The following WASHC5 variants were observed in gnomAD, a reference collection of about 807,000 sequenced individuals.
The protein encoded by WASHC5 is WASH complex subunit 5, also known as WASH complex subunit strumpellin.
WASHC5 carries 101 observed loss-of-function variants against 150.4 expected under a neutral mutation model. The ratio of observed to expected loss-of-function variants is 0.67; its 90% CI spans 0.57 to 0.79. The LOEUF (loss-of-function observed/expected upper bound fraction) is 0.79. Ranked by LOEUF, WASHC5 falls within the 30% of genes least tolerant of loss-of-function variation. The probability of loss-of-function intolerance (pLI) is 0.00; values close to 1 mark genes in which losing one functional copy is unlikely to be tolerated. For synonymous variants in WASHC5, 467 were observed against 491.2 expected, an observed-to-expected ratio of 0.95 and a Z score of 0.65; for missense variants, 1,195 against 1,396.3, an observed-to-expected ratio of 0.86 and a Z score of 2.30.
chr8:125,036,233 C>A (rs1012778455), intron 26 of WASHC5, among the ~76,000 whole-genome samples: 1 of 152,188 alleles, frequency 6.6e-6, no homozygotes, highest in Non-Finnish European at 1.5e-5. Context: ...GTTGAAAGAA[C>A]AGAACATCAA....
intron 28 of WASHC5, among the ~76,000 whole-genome samples, chr8:125,026,531 AATTT>A (rs534152256): frequency 6.7e-4 from 102 of 152,248 alleles, no homozygotes; most frequent in African/African-American, 2.3e-3. Context: ...AATTTCGGCT[AATTT>A]ATTTGTTTCA....
In WASHC5 at chr8:125,091,759, C is replaced by T. The variant is rs1817661376; in HGVS notation, c.-269G>A. ...GGAGCGGGTCAGACCCCGACTTCCG[C>T]CCCTGACTCCCCAGGCGGTCACATG... On this transcript the variant is annotated 5_prime_UTR_variant, in exon 1 of 29. Coordinates refer to ENST00000318410, the MANE Select transcript of WASHC5 (RefSeq NM_014846.4). The T allele has an allele frequency of 6.6e-6, 1 of 152,414 alleles. No individual in the cohort carries two copies. The highest frequency in any genetic ancestry group is 2.4e-5 in the African/African-American group (1 of 41,486). 9.4% of individuals were successfully genotyped at this position (152,414 alleles called of 1,614,324 possible).
chr8:125,047,087 G>T, intron 20 of WASHC5, 120 bp downstream of exon 20: 1 of 1,241,274 alleles, frequency 8.1e-7, no homozygotes, highest in African/African-American at 1.5e-5. Flanking sequence ...TAAAGGGTCA[G>T]AATATGAGTT....
intron 14 of WASHC5, 50 bp from the exon 15 acceptor site, chr8:125,057,716 G>T (rs764170505): frequency 8.5e-7 from 1 of 1,179,426 alleles, no homozygotes. Context: ...AAGAGTCCTA[G>T]AAATCTTTCT....
intron 1 of WASHC5, among the ~76,000 whole-genome samples, chr8:125,089,763 T>A (rs539327230): frequency 6.6e-6 from 1 of 152,334 alleles, no homozygotes; most frequent in African/African-American, 2.4e-5. Context: ...CGTGTGTCAA[T>A]CTCTTGTTTT....
intron 8 of WASHC5, 106 bp from the exon 9 acceptor site, chr8:125,073,430 G>T: frequency 1.1e-6 from 1 of 942,556 alleles, no homozygotes. Context: ...TATATAGGAT[G>T]AATGACATAT....
Position 125,039,838 on chromosome 8 carries a change from A to G in WASHC5, c.2911T>C (p.Phe971Leu). The change falls in exon 24 of 29, where the codon TTT becomes CTT. Residue 971 changes from phenylalanine (F) to leucine (L), a missense_variant. Physicochemically the swap from Phe to Leu is conservative, Grantham distance 22. Coordinates refer to ENST00000318410, the MANE Select transcript of WASHC5 (RefSeq NM_014846.4). Reference protein sequence around the residue: ...IANELNYSCRFDSKHLAAALE... With the variant: ...IANELNYSCRLDSKHLAAALE... ...GCAGCTGCCAGATGTTTAGAATCAA[A>G]CCGACAAGAATAATTTAATTCATTG... 8.1e-6 allele frequency: 13 copies of G among 1,614,086 alleles called. No individual in the cohort carries two copies. The highest frequency in any genetic ancestry group is 1.0e-5 in the Non-Finnish European group (12 of 1,179,950).
rs749859427 is a variant in WASHC5 at position 125,032,366 on chromosome 8, CG to C, written c.3209del (p.Pro1070ArgfsTer15). On this transcript the variant is annotated frameshift_variant, in exon 27 of 29. Transcript: ENST00000318410. LOFTEE classifies it high-confidence loss of function. ...LGMVCRKPTD[P>X]VDWPPLVLGL... The stretch of plus-strand genomic sequence containing the variant: ...CCAGGACAAGTGGTGGCCAATCAAC[CG>C]GGTCGGTCGGTTTTCGGCAGACCAT... 18 of 1,614,052 alleles carry C rather than the reference CG, an allele frequency of 1.1e-5. No homozygotes were observed. Among genetic ancestry groups the C allele is most frequent in the Admixed American group, 8.3e-5 (5 of 60,020 alleles).
At chr8:125,046,075 G>C (rs1816057946) in intron 20 of WASHC5, among the ~76,000 whole-genome samples, 1 of 152,188 alleles carries the variant, frequency 6.6e-6, no homozygotes, top group Non-Finnish European at 1.5e-5. Context: ...TACTGGATTA[G>C]AAAGAAGACA....
Position 125,079,061 on chromosome 8 carries a change from T to C in WASHC5, c.519-131A>G, listed in dbSNP as rs894135648. On this transcript the variant is annotated intron_variant, in intron 5 of 28. Coordinates refer to ENST00000318410, the MANE Select transcript of WASHC5 (RefSeq NM_014846.4). ...AGATATGATCACAGGTCCATCTATATCCTCAATATATCCTCAAGATTCAAA... is the reference window on the plus strand; with the variant it reads ...AGATATGATCACAGGTCCATCTATACCCTCAATATATCCTCAAGATTCAAA... 1.8e-4 allele frequency: 119 copies of C among 644,066 alleles called. No individual in the cohort carries two copies. The South Asian group carries it at 2.1e-3, about 12-fold the overall frequency. 39.9% of individuals were successfully genotyped at this position (644,066 alleles called of 1,614,324 possible). A position where few individuals can be genotyped will look rare whatever the true frequency, so the allele number is the denominator to read the frequency against.
In WASHC5 at chr8:125,078,824, C is replaced by T. The variant is rs565980279; in HGVS notation, c.625G>A (p.Glu209Lys). 1.5e-5 allele frequency: 24 copies of T among 1,613,916 alleles called. No homozygotes were observed. The Admixed American group carries it at 1.8e-4, about 12-fold the overall frequency. ...ATAGGCACTCTCTGGAAATAGCTCT[C>T]GGGATAGTTGGATGGTCTTTTGGCA... is the stretch of plus-strand genomic sequence containing the variant. The part of the protein sequence containing the change: ...PGAKRPSNYP[E>K]SYFQRVPINE... The change falls in exon 6 of 29, where the codon GAG (glutamate) becomes AAG (lysine). Residue 209 changes from glutamate (E) to lysine (K), a missense_variant. Around this residue, in one of 3 missense-constraint regions of WASHC5, gnomAD observed 997 missense variants for 1,168.1 expected, o/e 0.85. Coordinates refer to ENST00000318410, the MANE Select transcript of WASHC5 (RefSeq NM_014846.4).
At position 125,061,048 on chromosome 8, in the gene WASHC5, T is replaced by G. The variant is rs1459817413; in HGVS notation, c.1521+34A>C. ...GTGGGTCATAAGGTGTGATTCATGA[T>G]CCAAGAACCTGCATTTAAAAAGCGT... On this transcript the variant is annotated intron_variant, in intron 12 of 28. Transcript: ENST00000318410. The G allele has an allele frequency of 2.5e-6, 3 of 1,214,912 alleles. No individual in the cohort carries two copies. The Admixed American group carries it at 5.1e-5, about 21-fold the overall frequency. The allele number at this position is 1,214,912 out of a possible 1,614,324, so 75.3% of individuals were successfully genotyped here. A position where few individuals can be genotyped will look rare whatever the true frequency, so the allele number is the denominator to read the frequency against.
At chr8:125,077,117 C>T (rs1263237725) in intron 6 of WASHC5, among the ~76,000 whole-genome samples, 5 of 152,188 alleles carry the variant, frequency 3.3e-5, no homozygotes, top group South Asian at 2.1e-4. Flanking sequence ...CATCCCCTCA[C>T]GTACTAGAAA....
intron 23 of WASHC5, among the ~76,000 whole-genome samples, chr8:125,042,954 A>T (rs901113885): frequency 2.0e-5 from 3 of 152,242 alleles, no homozygotes; most frequent in African/African-American, 4.8e-5. Flanking sequence ...TGAGAAACTT[A>T]TATAATTGGG....
chr8:125,054,349 G>A (rs1425101903), intron 17 of WASHC5, among the ~76,000 whole-genome samples: 1 of 152,194 alleles, frequency 6.6e-6, no homozygotes, highest in African/African-American at 2.4e-5. Context: ...TAAATCAAAA[G>A]CACATGCACA....
At chr8:125,061,911 C>G (rs1816606055) in intron 11 of WASHC5, among the ~76,000 whole-genome samples, 1 of 152,168 alleles carries the variant, frequency 6.6e-6, no homozygotes, top group South Asian at 2.1e-4. Context: ...GAATGCTATA[C>G]AGGGTGACAC....
At chr8:125,060,284 T>C (rs576024849) in intron 12 of WASHC5, among the ~76,000 whole-genome samples, 126 of 152,192 alleles carry the variant, frequency 8.3e-4, no homozygotes, top group African/African-American at 3.0e-3. Flanking sequence ...GTCAGGAGTT[T>C]GAGACCAACC....
intron 21 of WASHC5, 72 bp from the exon 22 acceptor site, chr8:125,044,166 A>AATGCT: frequency 9.9e-7 from 1 of 1,011,238 alleles, no homozygotes; most frequent in Non-Finnish European, 1.5e-6. Context: ...AGTTACCTAA[A>AATGCT]ATGCTATGCA....
chr8:125,032,313 T>TG lies in WASHC5; in HGVS notation c.3262dup (p.His1088ProfsTer30), dbSNP rs2129963735. On this transcript the variant is annotated frameshift_variant, in exon 27 of 29. Transcript: ENST00000318410. LOFTEE classifies it high-confidence loss of function. ...CAGGAACTGCTCGGTGTACCGGGAATGGAACTGCTTCAGCAGAGTGAGCAG... is the reference window on the plus strand; with the variant it reads ...CAGGAACTGCTCGGTGTACCGGGAATGGGAACTGCTTCAGCAGAGTGAGCAG... The TG allele has an allele frequency of 3.1e-6, 5 of 1,614,184 alleles. No individual in the cohort carries two copies. The highest frequency in any genetic ancestry group is 4.2e-6 in the Non-Finnish European group (5 of 1,180,020).
Sources: gnomAD v4.1 joint callset for allele counts (sites outside exome capture counted in the v4.1 genomes callset) on GRCh38, gnomAD v4.1.1 for gene constraint, gnomAD v4.1.1 regional missense constraint, MANE v1.5 for transcripts, NCBI Gene and HGNC (gene_info 2026-07-23, HGNC 2026-07-21) for gene names.